CATSPERB: variants seen among roughly 807,000 people sequenced by gnomAD.
CATSPERB encodes cation channel sperm-associated auxiliary subunit beta.
CATSPERB carries 93 observed loss-of-function variants against 128.3 expected under a neutral mutation model. That is an observed-to-expected ratio of 0.72 (90% confidence interval 0.61 to 0.86). The LOEUF (loss-of-function observed/expected upper bound fraction) is 0.86, where lower values mean the gene tolerates loss of function less well. CATSPERB is among the 40% of genes least tolerant of loss of function. The pLI, the probability that CATSPERB is intolerant of heterozygous loss-of-function variation, is 0.00. For missense variants in CATSPERB, 1,153 were observed against 1,329.5 expected, an observed-to-expected ratio of 0.87 and a Z score of 2.06; for synonymous variants, 381 against 448.8, an observed-to-expected ratio of 0.85 and a Z score of 1.91.
chr14:91,729,299 A>G, intron 2 of CATSPERB, 102 bp downstream of exon 2: 2 of 496,294 alleles, frequency 4.0e-6, no homozygotes, highest in Non-Finnish European at 7.1e-6. Context: ...AGATAAGATA[A>G]AGAAGAAATA....
At chr14:91,603,236 T>G (rs1467961456) in intron 22 of CATSPERB, 2 of 919,376 alleles carry the variant, frequency 2.2e-6, no homozygotes, top group East Asian at 4.8e-5. Flanking sequence ...TTTTCATTGT[T>G]TCTCTCAACT....
chr14:91,714,583 AG>A (rs1236038204), intron 5 of CATSPERB, among the ~76,000 whole-genome samples: 1 of 131,442 alleles, frequency 7.6e-6, no homozygotes, highest in African/African-American at 2.8e-5. Context: ...TTTTTGAGAT[AG>A]AGTCTTGCTC....
At position 91,691,385 on chromosome 14, in the gene CATSPERB, AT is replaced by A. The variant is rs1378788998; in HGVS notation, c.864+137del. ...GCTACAAATTCATATATATAAAAAA[AT>A]ATATATTTTGTTTAAACTATAAATA... On this transcript the variant is annotated intron_variant, in intron 10 of 26. Coordinates refer to ENST00000256343, the MANE Select transcript of CATSPERB (RefSeq NM_024764.4). 2.5e-5 allele frequency: 10 copies of A among 398,958 alleles called. 1 individual carries two copies. Among genetic ancestry groups the A allele is most frequent in the Admixed American group, 2.2e-4 (5 of 23,220 alleles). The allele number at this position is 398,958 out of a possible 1,614,324, so 24.7% of individuals were successfully genotyped here. A position where few individuals can be genotyped will look rare whatever the true frequency, so the allele number is the denominator to read the frequency against.
At chr14:91,682,219 C>A (rs1419845694) in intron 11 of CATSPERB, among the ~76,000 whole-genome samples, 2 of 152,152 alleles carry the variant, frequency 1.3e-5, no homozygotes, top group Non-Finnish European at 2.9e-5. Flanking sequence ...CATAACTCAT[C>A]TCATCATAAG....
chr14:91,679,362 T>C (rs929625167), intron 11 of CATSPERB, among the ~76,000 whole-genome samples: 1 of 152,168 alleles, frequency 6.6e-6, no homozygotes, highest in Non-Finnish European at 1.5e-5. Flanking sequence ...ATATCTTATA[T>C]GGTAAATTTC....
chr14:91,667,170 C>T (rs1894999050), intron 14 of CATSPERB, among the ~76,000 whole-genome samples: 2 of 152,338 alleles, frequency 1.3e-5, no homozygotes, highest in South Asian at 4.1e-4. Context: ...CATGCCCATG[C>T]TGCAATATGG....
chr14:91,639,687 G>A (rs951142327), intron 15 of CATSPERB, among the ~76,000 whole-genome samples: 1 of 152,146 alleles, frequency 6.6e-6, no homozygotes, highest in Non-Finnish European at 1.5e-5. Context: ...GGCGTCCTGT[G>A]GTTCTCTCAT....
intron 14 of CATSPERB, among the ~76,000 whole-genome samples, chr14:91,667,178 T>A (rs1410003550): frequency 2.6e-5 from 4 of 152,202 alleles, no homozygotes; most frequent in Non-Finnish European, 5.9e-5. Context: ...TGCTGCAATA[T>A]GGAAAGAAAG....
At chr14:91,723,004 C>T (rs765315125) in intron 4 of CATSPERB, 45 bp downstream of exon 4, 3 of 1,375,726 alleles carry the variant, frequency 2.2e-6, no homozygotes, top group Middle Eastern at 2.1e-4. Context: ...GAAGAGTATG[C>T]TTCTTGTTAA....
chr14:91,610,846 G>C (rs1379275493), intron 20 of CATSPERB, among the ~76,000 whole-genome samples, 169 bp from the exon 21 acceptor site: 1 of 152,180 alleles, frequency 6.6e-6, no homozygotes, highest in African/African-American at 2.4e-5. Flanking sequence ...GGTCATTTGG[G>C]TGGGCCCCAA....
At position 91,693,136 on chromosome 14, in the gene CATSPERB, T is replaced by C. The variant is rs753299728; in HGVS notation, c.821A>G (p.His274Arg). 8 of 1,607,958 alleles carry C rather than the reference T, an allele frequency of 5.0e-6. No individual in the cohort carries two copies. The East Asian group carries it at 1.8e-4, about 36-fold the overall frequency. ...AAGCAATTTACATACCGATAAGCTGTGGCGTGATGGATAACGAAGATCTTC... is the reference window on the plus strand; with the variant it reads ...AAGCAATTTACATACCGATAAGCTGCGGCGTGATGGATAACGAAGATCTTC... ...VSEDLRYPSR[H>R]SLSFSRADFC... The change falls in exon 9 of 27, where the codon CAC (histidine) becomes CGC (arginine). Residue 274 changes from histidine to arginine, a missense_variant. His to Arg is a conservative substitution (Grantham distance 29, BLOSUM62 0). Transcript: ENST00000256343.
intron 22 of CATSPERB, among the ~76,000 whole-genome samples, chr14:91,600,419 A>G (rs903480067): frequency 2.0e-5 from 3 of 152,140 alleles, no homozygotes; most frequent in Non-Finnish European, 2.9e-5. Context: ...CTTCTGTATT[A>G]GTCCATTCTC....
chr14:91,598,001 TA>T (rs1449932327), intron 22 of CATSPERB, among the ~76,000 whole-genome samples: 7 of 151,592 alleles, frequency 4.6e-5, no homozygotes, highest in Admixed American at 6.6e-5. Context: ...TTTTTTTTTT[TA>T]AATATATAAA....
intron 1 of CATSPERB, among the ~76,000 whole-genome samples, chr14:91,731,626 C>G (rs1896212515): frequency 6.6e-6 from 1 of 152,184 alleles, no homozygotes; most frequent in Non-Finnish European, 1.5e-5. Flanking sequence ...TATCTCCATA[C>G]ACTGCAGCAA....
intron 16 of CATSPERB, 30 bp downstream of exon 16, chr14:91,639,066 G>T: frequency 6.3e-7 from 1 of 1,587,142 alleles, no homozygotes; most frequent in Non-Finnish European, 8.6e-7. Flanking sequence ...TTAAAATAAG[G>T]CAAACTGTTT....
At chr14:91,712,466 G>A (rs140201318) in intron 5 of CATSPERB, among the ~76,000 whole-genome samples, 243 of 152,194 alleles carry the variant, frequency 1.6e-3, no homozygotes, top group African/African-American at 5.5e-3. Context: ...TAGTCATAGC[G>A]GTGGTGGATT....
intron 14 of CATSPERB, among the ~76,000 whole-genome samples, chr14:91,666,288 C>T (rs1894982179): frequency 6.6e-6 from 1 of 152,180 alleles, no homozygotes; most frequent in Non-Finnish European, 1.5e-5. Flanking sequence ...TGCGGGGGTT[C>T]CTTGGAATCA....
chr14:91,688,447 T>C (rs961447465), intron 10 of CATSPERB, among the ~76,000 whole-genome samples: 3 of 152,322 alleles, frequency 2.0e-5, no homozygotes, highest in South Asian at 2.1e-4. Context: ...ATTTAGTGGA[T>C]TGTAATATAT....
intron 15 of CATSPERB, among the ~76,000 whole-genome samples, chr14:91,652,087 CAATTGAGCTTTCA>C (rs1442099391): frequency 7.9e-5 from 12 of 151,938 alleles, no homozygotes; most frequent in African/African-American, 2.4e-4. Context: ...AAAGATTGGT[CAATTGAGCTTTCA>C]AAAATTAATA....
Sources: gnomAD v4.1 joint callset for allele counts (sites outside exome capture counted in the v4.1 genomes callset) on GRCh38, gnomAD v4.1.1 for gene constraint, MANE v1.5 for transcripts, NCBI Gene and HGNC (gene_info 2026-07-23, HGNC 2026-07-21) for gene names.